Variants in ARL6IP5 observed in about 807,000 individuals in gnomAD.
The protein encoded by ARL6IP5 is ARF like GTPase 6 interacting protein 5, also known as PRA1 family protein 3.
A neutral mutation model predicts 13.0 loss-of-function variants in ARL6IP5; 6 were observed. The observed-to-expected ratio is 0.46, with a 90% CI of 0.25 to 0.91. The LOEUF is 0.91. Among genes scored for constraint, ARL6IP5 ranks in the 40% least tolerant of loss-of-function variants. ARL6IP5 has a pLI of 0.17. For missense variants in ARL6IP5, 208 were observed against 248.8 expected (o/e 0.84, Z 1.10); for synonymous variants, 91 against 91.9 (o/e 0.99, Z 0.06).
chr3:69,095,569 A>G (rs952419493), intron 1 of ARL6IP5, among the ~76,000 whole-genome samples: 2 of 149,410 alleles, frequency 1.3e-5, no homozygotes. Context: ...ATCTCAGCTC[A>G]CTTCAACCTC....
At chr3:69,095,181 C>T (rs949375446) in intron 1 of ARL6IP5, among the ~76,000 whole-genome samples, 2 of 152,122 alleles carry the variant, frequency 1.3e-5, no homozygotes, top group Non-Finnish European at 2.9e-5. Flanking sequence ...TGTTTCTTCT[C>T]TGGGCCTCAG....
intron 1 of ARL6IP5, chr3:69,090,068 G>T: frequency 4.0e-6 from 1 of 247,136 alleles, no homozygotes. Context: ...CTAGGCCTGT[G>T]GCTCCCAGCA....
chr3:69,085,633 C>T lies in ARL6IP5; in HGVS notation c.176+410C>T, dbSNP rs377535573. On this transcript the variant is annotated intron_variant, in intron 1 of 2. Transcript: ENST00000273258. ...CCTACCCTGGAGCTGGCTGGGGCGG[C>T]AGGGTGTGGACCCGGGCTAGTGTAA... Among the ~76,000 whole-genome samples the T allele has an allele frequency of 1.8e-4, 28 of 152,290 alleles. No individual in the cohort carries two copies. In the East Asian group the frequency reaches 5.2e-3, roughly 28 times the overall value.
At chr3:69,088,192 AG>A (rs1316615220) in intron 1 of ARL6IP5, among the ~76,000 whole-genome samples, 1 of 152,216 alleles carries the variant, frequency 6.6e-6, no homozygotes, top group Non-Finnish European at 1.5e-5. Context: ...CTTCAGAGTT[AG>A]GGAGCGTCCT....
At chr3:69,089,752 T>C (rs960902267) in intron 1 of ARL6IP5, 3 of 455,512 alleles carry the variant, frequency 6.6e-6, no homozygotes, top group African/African-American at 6.0e-5. Context: ...CCTCTGCTGC[T>C]TCTCCAGCAA....
At chr3:69,094,527 G>T (rs2092280747) in intron 1 of ARL6IP5, among the ~76,000 whole-genome samples, 1 of 152,088 alleles carries the variant, frequency 6.6e-6, no homozygotes, top group African/African-American at 2.4e-5. Flanking sequence ...CGCCAATTTA[G>T]AGAAGTCCAC....
chr3:69,092,760 T>TC (rs971596363), intron 1 of ARL6IP5, among the ~76,000 whole-genome samples: 1 of 151,294 alleles, frequency 6.6e-6, no homozygotes, highest in African/African-American at 2.4e-5. Context: ...CCTCAAGTTA[T>TC]CCCCCCACCT....
At chr3:69,100,784 TAAA>T (rs55658079) in intron 1 of ARL6IP5, among the ~76,000 whole-genome samples, 1 of 100,010 alleles carries the variant, frequency 1.0e-5, no homozygotes, top group Non-Finnish European at 2.2e-5. Context: ...CTGTCTCAAA[TAAA>T]AAAAAAAAAA....
chr3:69,094,251 G>A (rs190996515), intron 1 of ARL6IP5, among the ~76,000 whole-genome samples: 6 of 152,156 alleles, frequency 3.9e-5, no homozygotes, highest in Non-Finnish European at 8.8e-5. Context: ...TCTCCTAGCA[G>A]TTACAGCCAA....
At chr3:69,091,338 G>C (rs989631503) in intron 1 of ARL6IP5, among the ~76,000 whole-genome samples, 1 of 152,100 alleles carries the variant, frequency 6.6e-6, no homozygotes, top group Non-Finnish European at 1.5e-5. Flanking sequence ...CTATTGCCCA[G>C]GCTGGAGTAT....
At chr3:69,085,713 A>C (rs2092245616) in intron 1 of ARL6IP5, among the ~76,000 whole-genome samples, 1 of 152,122 alleles carries the variant, frequency 6.6e-6, no homozygotes, top group South Asian at 2.1e-4. Context: ...AATGCCTGCC[A>C]CACTGTACAG....
At chr3:69,096,366 G>C (rs1453833821) in intron 1 of ARL6IP5, among the ~76,000 whole-genome samples, 1 of 152,038 alleles carries the variant, frequency 6.6e-6, no homozygotes, top group African/African-American at 2.4e-5. Flanking sequence ...ACCTAAATAT[G>C]TATTTTACTT....
intron 2 of ARL6IP5, among the ~76,000 whole-genome samples, chr3:69,103,840 C>T (rs1028441722): frequency 6.6e-6 from 1 of 152,128 alleles, no homozygotes; most frequent in Non-Finnish European, 1.5e-5. Flanking sequence ...ATTCCCAGGC[C>T]TGTCTCTTTA....
At chr3:69,097,846 C>G (rs911372555) in intron 1 of ARL6IP5, among the ~76,000 whole-genome samples, 1 of 152,050 alleles carries the variant, frequency 6.6e-6, no homozygotes, top group African/African-American at 2.4e-5. Context: ...GGAGGATGAG[C>G]AGAAAACCAG....
chr3:69,085,283 G>A (rs1417128876), intron 1 of ARL6IP5, 60 bp downstream of exon 1: 2 of 1,550,464 alleles, frequency 1.3e-6, no homozygotes, highest in African/African-American at 2.7e-5. Flanking sequence ...GGGCCTCGGG[G>A]TGCAAGATCC....
At chr3:69,088,584 C>T (rs190426604) in intron 1 of ARL6IP5, among the ~76,000 whole-genome samples, 36 of 152,196 alleles carry the variant, frequency 2.4e-4, no homozygotes, top group South Asian at 8.3e-4. Flanking sequence ...CATACCAAGA[C>T]GGAGATTAAG....
intron 1 of ARL6IP5, among the ~76,000 whole-genome samples, chr3:69,090,322 T>C (rs981993810): frequency 1.3e-5 from 2 of 152,248 alleles, no homozygotes; most frequent in African/African-American, 4.8e-5. Flanking sequence ...TTGTGTTGCT[T>C]CATTCATTCA....
chr3:69,100,417 A>G (rs1335995459), intron 1 of ARL6IP5, among the ~76,000 whole-genome samples: 2 of 152,324 alleles, frequency 1.3e-5, no homozygotes, highest in East Asian at 3.9e-4. Context: ...GTGAGGAGTC[A>G]TAAACTCAAA....
At chr3:69,098,219 G>A (rs1164950982) in intron 1 of ARL6IP5, among the ~76,000 whole-genome samples, 3 of 147,318 alleles carry the variant, frequency 2.0e-5, no homozygotes, top group Admixed American at 1.4e-4. Flanking sequence ...TGGGACTACA[G>A]GTGCCTGCCA....
Sources: gnomAD v4.1 joint callset for allele counts (sites outside exome capture counted in the v4.1 genomes callset) on GRCh38, gnomAD v4.1.1 for gene constraint, MANE v1.5 for transcripts, NCBI Gene and HGNC (gene_info 2026-07-23, HGNC 2026-07-21) for gene names.